KDR: variants seen among roughly 807,000 people sequenced by gnomAD.
The protein encoded by KDR is kinase insert domain receptor, also known as vascular endothelial growth factor receptor 2.
Under a neutral mutation model 160.9 loss-of-function variants are expected in KDR, and 43 were observed. The ratio of observed to expected loss-of-function variants is 0.27; its 90% CI spans 0.21 to 0.34. The LOEUF is 0.34. Among genes scored for constraint, KDR ranks in the 10% least tolerant of loss-of-function variants. The pLI is 1.00. For missense variants in KDR, 1,469 were observed against 1,666.4 expected (o/e 0.88, Z 2.06); for synonymous variants, 617 against 600.1 (o/e 1.03, Z -0.41).
chr4:55,120,013 TG>T (rs756649424), intron 2 of KDR, among the ~76,000 whole-genome samples: 3 of 152,166 alleles, frequency 2.0e-5, no homozygotes, highest in Non-Finnish European at 4.4e-5. Context: ...ATGGGATCCT[TG>T]GGGATTTCAA....
In KDR at chr4:55,085,564, G is replaced by A. The variant is rs112966607; in HGVS notation, c.3662+2043C>T. Among the ~76,000 whole-genome samples the A allele has an allele frequency of 1.9e-3, 282 of 152,322 alleles. 1 individual carries two copies. The highest frequency in any genetic ancestry group is 5.7e-3 in the African/African-American group (239 of 41,572). On this transcript the variant is annotated intron_variant, in intron 27 of 29. Transcript: ENST00000263923. ...GGAGAGCAACAGAATGAAGCATGCC[G>A]TGTGCAAATGCCTCTATCTGCTTTT...
chr4:55,089,200 T>C (rs1171142639), intron 25 of KDR, among the ~76,000 whole-genome samples, 174 bp downstream of exon 25: 6 of 152,164 alleles, frequency 3.9e-5, no homozygotes, highest in Non-Finnish European at 8.8e-5. Context: ...AATAATAAAG[T>C]ACTATCTTTT....
At chr4:55,105,485 C>G (rs1720426084) in intron 12 of KDR, among the ~76,000 whole-genome samples, 2 of 152,114 alleles carry the variant, frequency 1.3e-5, no homozygotes. Flanking sequence ...TAAAGCCCAC[C>G]CTCATCAACT....
rs2110025325 is a variant in KDR at position 55,107,798 on chromosome 4, G to A, written c.1351C>T (p.Pro451Ser). The A allele has an allele frequency of 6.2e-7, 1 of 1,613,988 alleles. No individual in the cohort carries two copies. Among genetic ancestry groups the A allele is most frequent in the Non-Finnish European group, 8.5e-7 (1 of 1,179,920 alleles). The change falls in exon 10 of 30, where the codon CCT becomes TCT. Residue 451 changes from proline (P) to serine (S), a missense_variant. Coordinates refer to ENST00000263923, the MANE Select transcript of KDR (RefSeq NM_002253.4). ...QTLTCTVYAI[P>S]PPHHIHWYWQ... is the part of the protein sequence containing the mutation. Reference sequence around the variant, plus strand: ...TACCAGTGGATGTGATGCGGGGGAGGAATGGCATAGACCGTACATGTCAGC... The same window carrying A: ...TACCAGTGGATGTGATGCGGGGGAGAAATGGCATAGACCGTACATGTCAGC...
intron 26 of KDR, 126 bp downstream of exon 26, chr4:55,088,739 TAGA>T (rs1719932558): frequency 5.5e-6 from 4 of 722,196 alleles, no homozygotes; most frequent in Non-Finnish European, 1.0e-5. Context: ...TACTCAGATG[TAGA>T]AGAATACAGT....
chr4:55,086,704 G>A lies in KDR; in HGVS notation c.3662+903C>T, dbSNP rs556911674. Among the ~76,000 whole-genome samples the A allele has an allele frequency of 1.1e-4, 17 of 152,184 alleles. No homozygotes were observed. The East Asian group carries it at 2.7e-3, about 24-fold the overall frequency. ...CATCAGTGTTTCTGCTGCCCCACAC[G>A]ACTCTAGAGGGCAAACTGTCCACGA... On this transcript the variant is annotated intron_variant, in intron 27 of 29. Coordinates refer to ENST00000263923, the MANE Select transcript of KDR (RefSeq NM_002253.4).
intron 13 of KDR, 126 bp downstream of exon 13, chr4:55,104,517 A>G: frequency 1.3e-6 from 1 of 763,982 alleles, no homozygotes; most frequent in Admixed American, 2.0e-5. Flanking sequence ...ACTTTCGGTG[A>G]AGAAGTGTGC....
In KDR at chr4:55,125,436, G is replaced by C; in HGVS notation, c.-143C>G. The C allele has an allele frequency of 9.5e-7, 1 of 1,056,866 alleles. No homozygotes were observed. Among genetic ancestry groups the C allele is most frequent in the Non-Finnish European group, 1.4e-6 (1 of 722,716 alleles). The allele number at this position is 1,056,866 out of a possible 1,614,324, so 65.5% of individuals were successfully genotyped here. Reference sequence around the variant, plus strand: ...TTGAGCGCACAGGGCTAGGGAGCCCGGGCGCCGACCGCGGCTGCAGGGGCG... The same window carrying C: ...TTGAGCGCACAGGGCTAGGGAGCCCCGGCGCCGACCGCGGCTGCAGGGGCG... On this transcript the variant is annotated 5_prime_UTR_variant, in exon 1 of 30. Transcript: ENST00000263923.
Position 55,107,831 on chromosome 4 carries a change from T to C in KDR, c.1318A>G (p.Thr440Ala). The change falls in exon 10 of 30, where the codon ACT becomes GCT. Residue 440 changes from threonine to alanine, a missense_variant. Thr to Ala is a moderately conservative substitution (Grantham distance 58, BLOSUM62 0). Coordinates refer to ENST00000263923, the MANE Select transcript of KDR (RefSeq NM_002253.4). ...SPVDSYQYGT[T>A]QTLTCTVYAI... Reference sequence around the variant, plus strand: ...TAGACCGTACATGTCAGCGTTTGAGTGGTGCCGTACTGGTAGGAATCCACA... The same window carrying C: ...TAGACCGTACATGTCAGCGTTTGAGCGGTGCCGTACTGGTAGGAATCCACA... 1.2e-6 allele frequency: 2 copies of C among 1,613,768 alleles called. No individual in the cohort carries two copies. The highest frequency in any genetic ancestry group is 1.7e-6 in the Non-Finnish European group (2 of 1,179,872).
intron 26 of KDR, 65 bp downstream of exon 26, chr4:55,088,803 G>T (rs1189735275): frequency 2.9e-6 from 3 of 1,043,120 alleles, no homozygotes; most frequent in Non-Finnish European, 4.5e-6. Flanking sequence ...GACAGTTCAG[G>T]CAGTAGGAAA....
At chr4:55,115,440 G>C (rs1245393274) in intron 3 of KDR, 29 bp from the exon 4 acceptor site, 1 of 1,203,446 alleles carries the variant, frequency 8.3e-7, no homozygotes, top group Non-Finnish European at 1.2e-6. Flanking sequence ...TTATTAATGA[G>C]TTAATAGTAT....
chr4:55,110,186 AC>A (rs1407086486), intron 9 of KDR, among the ~76,000 whole-genome samples: 1 of 152,166 alleles, frequency 6.6e-6, no homozygotes, highest in Non-Finnish European at 1.5e-5. Context: ...GCATTTGTCC[AC>A]CACAAAGCTC....
At chr4:55,108,472 C>G (rs983715912) in intron 9 of KDR, among the ~76,000 whole-genome samples, 9 of 152,138 alleles carry the variant, frequency 5.9e-5, no homozygotes, top group Non-Finnish European at 1.3e-4. Flanking sequence ...ATCCTCACAA[C>G]CACTATTACT....
chr4:55,115,606 GTT>G (rs1553914537), intron 3 of KDR, among the ~76,000 whole-genome samples, 195 bp from the exon 4 acceptor site: 1 of 151,806 alleles, frequency 6.6e-6, no homozygotes, highest in African/African-American at 2.4e-5. Flanking sequence ...GTGTGTGTGT[GTT>G]TGTGCATGCA....
chr4:55,082,894 T>C (rs564932535), intron 27 of KDR, among the ~76,000 whole-genome samples: 19 of 152,344 alleles, frequency 1.2e-4, no homozygotes, highest in Non-Finnish European at 2.4e-4. Context: ...GGTCCAGTTC[T>C]GGACTAAAGA....
At chr4:55,124,102 G>A (rs1329561518) in intron 1 of KDR, among the ~76,000 whole-genome samples, 1 of 152,198 alleles carries the variant, frequency 6.6e-6, no homozygotes, top group East Asian at 1.9e-4. Context: ...TCATTATAAA[G>A]AAAATTCAGT....
chr4:55,109,402 G>GA (rs963809801), intron 9 of KDR, among the ~76,000 whole-genome samples: 5 of 151,590 alleles, frequency 3.3e-5, no homozygotes, highest in African/African-American at 4.8e-5. Flanking sequence ...AATATTCCCT[G>GA]AAAAAAAATA....
At position 55,117,061 on chromosome 4, in the gene KDR, T is replaced by C. The variant is rs190201377; in HGVS notation, c.358+1543A>G. On this transcript the variant is annotated intron_variant, in intron 3 of 29. Coordinates refer to ENST00000263923, the MANE Select transcript of KDR (RefSeq NM_002253.4). ...TTGCCTACCTTTCATCCACATGTTA[T>C]GAAATATTACATAACTTGCTTACAG... Among the ~76,000 whole-genome samples the C allele has an allele frequency of 2.3e-3, 349 of 152,366 alleles. 2 individuals are homozygous for C. Among genetic ancestry groups the C allele is most frequent in the African/African-American group, 7.4e-3 (309 of 41,594 alleles).
At chr4:55,105,499 C>G (rs1442153639) in intron 12 of KDR, among the ~76,000 whole-genome samples, 2 of 152,166 alleles carry the variant, frequency 1.3e-5, no homozygotes, top group African/African-American at 4.8e-5. Flanking sequence ...ATCAACTGTT[C>G]CACAGCAAGC....
Sources: allele counts gnomAD v4.1 joint callset (sites outside exome capture counted in the v4.1 genomes callset), GRCh38; gene constraint gnomAD v4.1.1; transcripts MANE v1.5; gene names NCBI Gene and HGNC (gene_info 2026-07-23, HGNC 2026-07-21).